The following CDIN1 variants were observed in gnomAD, a reference collection of about 807,000 sequenced individuals.
The protein encoded by CDIN1 is CDAN1-interacting nuclease 1.
In CDIN1, 33 loss-of-function variants were observed where a neutral mutation model predicts 45.3. That is an observed-to-expected ratio of 0.73 (90% CI 0.55 to 0.97). The LOEUF is 0.97. Ranked by LOEUF, CDIN1 falls within the 50% of genes least tolerant of loss-of-function variation. The pLI is 0.00. For missense variants in CDIN1, 303 were observed against 339.4 expected (o/e 0.89, Z 0.84); for synonymous variants, 118 against 124.4 (o/e 0.95, Z 0.34).
At chr15:36,623,378 TATA>T (rs1470734330) in intron 1 of CDIN1, among the ~76,000 whole-genome samples, 45 of 152,362 alleles carry the variant, frequency 3.0e-4, no homozygotes, top group African/African-American at 1.1e-3. Context: ...ATACTGTCAA[TATA>T]ACTTTATATA....
chr15:36,741,421 A>G (rs1223883653), intron 10 of CDIN1, among the ~76,000 whole-genome samples: 2 of 152,112 alleles, frequency 1.3e-5, no homozygotes, highest in East Asian at 3.9e-4. Flanking sequence ...CATTGTCTTC[A>G]TCAAATAATT....
Position 36,666,747 on chromosome 15 carries a change from C to A in CDIN1, c.346+8842C>A, listed in dbSNP as rs16963838. 9.1e-3 allele frequency among the ~76,000 whole-genome samples: 1,381 copies of A among 152,294 alleles called. 16 individuals carry two copies. Among genetic ancestry groups the A allele is most frequent in the African/African-American group, 0.032 (1,319 of 41,556 alleles). ...CTTGGTTCCCATTATGTTTCTGCCACCTCCATGCACTGTCTTAGATGAGCT... is the reference window on the plus strand; with the variant it reads ...CTTGGTTCCCATTATGTTTCTGCCAACTCCATGCACTGTCTTAGATGAGCT... On this transcript the variant is annotated intron_variant, in intron 5 of 10. Coordinates refer to ENST00000566621, the MANE Select transcript of CDIN1 (RefSeq NM_001321759.2).
intron 10 of CDIN1, among the ~76,000 whole-genome samples, chr15:36,777,831 G>A (rs978871560): frequency 7.2e-5 from 11 of 152,084 alleles, no homozygotes; most frequent in South Asian, 2.1e-4. Flanking sequence ...GGCTGGTCTC[G>A]AACTCCTGGG....
At chr15:36,588,669 C>T (rs1748202231) in intron 1 of CDIN1, among the ~76,000 whole-genome samples, 1 of 152,004 alleles carries the variant, frequency 6.6e-6, no homozygotes, top group Admixed American at 6.6e-5. Context: ...TGATCTTTTA[C>T]ATTTTTTTCT....
chr15:36,664,305 G>A (rs760448826), intron 5 of CDIN1, among the ~76,000 whole-genome samples: 22 of 152,184 alleles, frequency 1.4e-4, no homozygotes, highest in Non-Finnish European at 2.9e-4. Flanking sequence ...TGTATAAACG[G>A]AATGGTTTTT....
intron 1 of CDIN1, among the ~76,000 whole-genome samples, chr15:36,619,951 G>T (rs528500123): frequency 4.6e-5 from 7 of 151,492 alleles, no homozygotes; most frequent in African/African-American, 1.7e-4. Context: ...CTGTCTTTTT[G>T]ACCTTACTAA....
chr15:36,755,955 G>A, intron 10 of CDIN1: 1 of 416,888 alleles, frequency 2.4e-6, no homozygotes, highest in South Asian at 1.8e-5. Flanking sequence ...TCATTCCCTG[G>A]TATTTCGAGA....
chr15:36,703,780 C>T (rs1161781793), intron 8 of CDIN1, among the ~76,000 whole-genome samples: 1 of 152,096 alleles, frequency 6.6e-6, no homozygotes, highest in Admixed American at 6.6e-5. Flanking sequence ...TAGTATGCCT[C>T]TCTCCATTGA....
intron 1 of CDIN1, chr15:36,614,062 A>T (rs1389278653): frequency 9.7e-7 from 1 of 1,034,792 alleles, no homozygotes; most frequent in East Asian, 2.4e-5. Context: ...AAACTCAAGG[A>T]GAGACCTGTG....
intron 1 of CDIN1, among the ~76,000 whole-genome samples, chr15:36,643,644 C>T (rs1245415893): frequency 2.6e-5 from 4 of 152,118 alleles, no homozygotes; most frequent in Non-Finnish European, 4.4e-5. Flanking sequence ...GCTTCATTGC[C>T]AGGTGTTTGA....
intron 10 of CDIN1, among the ~76,000 whole-genome samples, chr15:36,720,289 A>C (rs898822130): frequency 6.1e-5 from 9 of 148,706 alleles, no homozygotes; most frequent in African/African-American, 9.8e-5. Flanking sequence ...ATTATTTTTA[A>C]AATTATACTT....
At chr15:36,748,598 G>A (rs11073193) in intron 10 of CDIN1, among the ~76,000 whole-genome samples, 117,947 of 151,944 alleles carry the variant, frequency 0.78, 46,463 homozygotes, top group East Asian at 0.96. Context: ...ACTTTCCAAG[G>A]TCTCAGATAC....
chr15:36,599,403 A>T (rs555210668), intron 1 of CDIN1, among the ~76,000 whole-genome samples: 1 of 152,174 alleles, frequency 6.6e-6, no homozygotes, highest in Non-Finnish European at 1.5e-5. Flanking sequence ...CCACTTTATC[A>T]TGTAGCTGTA....
chr15:36,746,055 G>T (rs371088177), intron 10 of CDIN1, among the ~76,000 whole-genome samples: 2 of 152,124 alleles, frequency 1.3e-5, no homozygotes, highest in South Asian at 2.1e-4. Flanking sequence ...CAATTAGAGC[G>T]AAAGGAACAG....
At chr15:36,650,608 A>G (rs1277153986) in intron 3 of CDIN1, among the ~76,000 whole-genome samples, 1 of 151,764 alleles carries the variant, frequency 6.6e-6, no homozygotes, top group Non-Finnish European at 1.5e-5. Flanking sequence ...ATGCTGGGCT[A>G]ATTTTTGTGC....
At chr15:36,722,985 G>GTGTGTGTGTGTTTT (rs111713255) in intron 10 of CDIN1, among the ~76,000 whole-genome samples, 24 of 119,182 alleles carry the variant, frequency 2.0e-4, no homozygotes, top group African/African-American at 5.3e-4. Context: ...GTGTGTGTGT[G>GTGTGTGTGTGTTTT]TTTCTCTCTC....
intron 10 of CDIN1, among the ~76,000 whole-genome samples, chr15:36,727,736 T>C (rs2043689446): frequency 6.6e-6 from 1 of 152,214 alleles, no homozygotes; most frequent in African/African-American, 2.4e-5. Flanking sequence ...GTTGTTATTC[T>C]ATAAATATCT....
chr15:36,593,553 T>C (rs1262788687), intron 1 of CDIN1, among the ~76,000 whole-genome samples: 5 of 152,142 alleles, frequency 3.3e-5, no homozygotes, highest in African/African-American at 1.2e-4. Context: ...TGAAAGTTTT[T>C]ATTTTGTTGT....
intron 10 of CDIN1, among the ~76,000 whole-genome samples, chr15:36,765,150 G>T (rs188716605): frequency 3.8e-4 from 56 of 148,970 alleles, no homozygotes; most frequent in Non-Finnish European, 6.1e-4. Context: ...CTGCTTCCTG[G>T]GTTCAAGAGA....
Sources: gnomAD v4.1 joint callset for allele counts (sites outside exome capture counted in the v4.1 genomes callset) on GRCh38, gnomAD v4.1.1 for gene constraint, MANE v1.5 for transcripts, NCBI Gene and HGNC (gene_info 2026-07-23, HGNC 2026-07-21) for gene names.